Variants in NAALADL2 observed in about 807,000 individuals in gnomAD.
NAALADL2 encodes the protein N-acetylated alpha-linked acidic dipeptidase like 2.
A neutral mutation model predicts 87.2 loss-of-function variants in NAALADL2; 76 were observed. That is an observed-to-expected ratio of 0.87 (90% CI 0.72 to 1.05). The LOEUF is 1.05. Among genes scored for constraint, NAALADL2 ranks in the 50% least tolerant of loss-of-function variants. The pLI is 0.00. For synonymous variants in NAALADL2, 354 were observed against 331.0 expected, an observed-to-expected ratio of 1.07 and a Z score of -0.75; for missense variants, 1,089 against 945.8, an observed-to-expected ratio of 1.15 and a Z score of -1.99.
chr3:175,378,858 G>A (rs767505634), intron 5 of NAALADL2, among the ~76,000 whole-genome samples: 15 of 152,184 alleles, frequency 9.9e-5, no homozygotes, highest in Non-Finnish European at 2.1e-4. Flanking sequence ...ATGGCTAAGA[G>A]TAGATAAACT....
chr3:174,867,400 T>A (rs533713405), intron 1 of NAALADL2, among the ~76,000 whole-genome samples: 1 of 152,120 alleles, frequency 6.6e-6, no homozygotes, highest in Admixed American at 6.5e-5. Context: ...AGCCAGTCTG[T>A]CTTAATGTGT....
chr3:174,730,165 T>C (rs1257447261), intron 2 of NAALADL2, among the ~76,000 whole-genome samples: 1 of 152,138 alleles, frequency 6.6e-6, no homozygotes, highest in Non-Finnish European at 1.5e-5. Flanking sequence ...TAAGTAGGGA[T>C]TATGTTTCCC....
At chr3:174,713,816 T>C (rs545612307) in intron 2 of NAALADL2, among the ~76,000 whole-genome samples, 2,143 of 152,026 alleles carry the variant, frequency 0.014, 47 homozygotes, top group African/African-American at 0.049. Context: ...TAGATCCCAT[T>C]TGTCAATTTT....
chr3:174,827,959 G>C (rs898677790), intron 3 of NAALADL2, among the ~76,000 whole-genome samples: 1 of 152,102 alleles, frequency 6.6e-6, no homozygotes, highest in Non-Finnish European at 1.5e-5. Flanking sequence ...GAGGCAAGAG[G>C]ATCGCTTGAG....
rs71164627 is a variant in NAALADL2 at position 175,292,593 on chromosome 3, TACACAC to T, written c.940-31557_940-31552del. Among the ~76,000 whole-genome samples the T allele has an allele frequency of 4.1e-5, 6 of 145,366 alleles. No homozygotes were observed. The South Asian group carries it at 6.8e-4, about 16-fold the overall frequency. ...AATGCAGTCTGATTGTGAGTTGGGATACACACACACACACACACACACACACACACC... is the reference window on the plus strand; with the variant it reads ...AATGCAGTCTGATTGTGAGTTGGGATACACACACACACACACACACACACC... On this transcript the variant is annotated intron_variant, in intron 4 of 13. Transcript: ENST00000454872.
chr3:174,544,502 T>C (rs1431232240), intron 1 of NAALADL2, among the ~76,000 whole-genome samples: 4 of 151,744 alleles, frequency 2.6e-5, no homozygotes, highest in African/African-American at 9.7e-5. Flanking sequence ...AAATGTTCCA[T>C]CACAGATATA....
intron 11 of NAALADL2, among the ~76,000 whole-genome samples, chr3:175,635,864 C>A (rs1463582735): frequency 6.6e-6 from 1 of 151,906 alleles, no homozygotes; most frequent in Admixed American, 6.6e-5. Context: ...GTCGACAGAT[C>A]AAATATCCCT....
chr3:175,785,489 G>T (rs1351956936), intron 13 of NAALADL2, among the ~76,000 whole-genome samples: 1 of 124,838 alleles, frequency 8.0e-6, no homozygotes, highest in Non-Finnish European at 1.6e-5. Context: ...GATCTTTGTT[G>T]GTTTAAAGTC....
At chr3:174,968,034 A>G (rs1367969315) in intron 1 of NAALADL2, among the ~76,000 whole-genome samples, 2 of 152,172 alleles carry the variant, frequency 1.3e-5, no homozygotes, top group Non-Finnish European at 2.9e-5. Flanking sequence ...CACCACATAA[A>G]CCTTTTATAA....
intron 3 of NAALADL2, among the ~76,000 whole-genome samples, chr3:174,765,915 A>G (rs883900): frequency 0.3 from 46,020 of 152,070 alleles, 7,026 homozygotes; most frequent in Middle Eastern, 0.35. Flanking sequence ...ACCAAACTCT[A>G]TGAGTAATTG....
intron 2 of NAALADL2, among the ~76,000 whole-genome samples, chr3:174,727,030 A>G (rs1732262818): frequency 6.6e-6 from 1 of 152,082 alleles, no homozygotes; most frequent in African/African-American, 2.4e-5. Context: ...ATTGCCTTAG[A>G]TTCTAGGGAT....
chr3:175,504,961 A>G (rs575605950), intron 9 of NAALADL2, among the ~76,000 whole-genome samples: 48 of 152,194 alleles, frequency 3.2e-4, no homozygotes, highest in Non-Finnish European at 5.3e-4. Flanking sequence ...AGATTATTAC[A>G]AAAATGTTTG....
At chr3:175,298,099 C>A (rs1400298761) in intron 4 of NAALADL2, among the ~76,000 whole-genome samples, 1 of 151,982 alleles carries the variant, frequency 6.6e-6, no homozygotes, top group African/African-American at 2.4e-5. Context: ...ATAACTTTTT[C>A]AAATAAGACA....
At chr3:175,749,770 T>C (rs1431253932) in intron 12 of NAALADL2, among the ~76,000 whole-genome samples, 1 of 152,216 alleles carries the variant, frequency 6.6e-6, no homozygotes, top group African/African-American at 2.4e-5. Context: ...TTTGTGCTGA[T>C]CCCAGGTCCC....
At chr3:174,616,947 C>A (rs1720521598) in intron 2 of NAALADL2, among the ~76,000 whole-genome samples, 1 of 151,664 alleles carries the variant, frequency 6.6e-6, no homozygotes, top group Non-Finnish European at 1.5e-5. Context: ...TTTTAATAGT[C>A]ATTAAATTTT....
At chr3:175,102,587 G>A (rs1009225980) in intron 2 of NAALADL2, among the ~76,000 whole-genome samples, 15 of 152,018 alleles carry the variant, frequency 9.9e-5, no homozygotes, top group Admixed American at 3.3e-4. Context: ...TCTCTTACTA[G>A]ACACATTTTA....
At chr3:175,681,289 T>C (rs1735560101) in intron 11 of NAALADL2, among the ~76,000 whole-genome samples, 1 of 152,182 alleles carries the variant, frequency 6.6e-6, no homozygotes, top group Non-Finnish European at 1.5e-5. Context: ...ACAAAATAAG[T>C]ACAGTATAAT....
chr3:175,739,151 A>G (rs1417336247), intron 12 of NAALADL2, among the ~76,000 whole-genome samples: 2 of 152,196 alleles, frequency 1.3e-5, no homozygotes, highest in Admixed American at 1.3e-4. Context: ...ACATTATATA[A>G]TAGAATTATA....
intron 3 of NAALADL2, among the ~76,000 whole-genome samples, chr3:174,796,682 T>C (rs1307726164): frequency 2.0e-5 from 3 of 152,196 alleles, no homozygotes; most frequent in Non-Finnish European, 4.4e-5. Flanking sequence ...GCAGTAAATA[T>C]GAGTACATGT....
Sources: allele counts gnomAD v4.1 joint callset (sites outside exome capture counted in the v4.1 genomes callset), GRCh38; gene constraint gnomAD v4.1.1; transcripts MANE v1.5; gene names NCBI Gene and HGNC (gene_info 2026-07-23, HGNC 2026-07-21).